TMEM163: variants seen among roughly 807,000 people sequenced by gnomAD.
The protein encoded by TMEM163 is transmembrane protein 163.
Under a neutral mutation model 29.3 loss-of-function variants are expected in TMEM163, and 17 were observed. That is an observed-to-expected ratio of 0.58 (90% CI 0.40 to 0.87). The LOEUF is 0.87. Ranked by LOEUF, TMEM163 falls within the 40% of genes least tolerant of loss-of-function variation. The pLI, the probability that TMEM163 is intolerant of heterozygous loss-of-function variation, is 0.00. For missense variants in TMEM163, 303 were observed against 381.5 expected (o/e 0.79, Z 1.71); for synonymous variants, 157 against 160.6 (o/e 0.98, Z 0.17).
chr2:134,690,219 C>T (rs1684433034), intron 2 of TMEM163, among the ~76,000 whole-genome samples: 1 of 151,932 alleles, frequency 6.6e-6, no homozygotes, highest in Non-Finnish European at 1.5e-5. Flanking sequence ...GGGTGAGCCA[C>T]CGTACCCGGC....
At chr2:134,501,049 CTAAT>C (rs1679685961) in intron 5 of TMEM163, among the ~76,000 whole-genome samples, 1 of 152,122 alleles carries the variant, frequency 6.6e-6, no homozygotes. Context: ...TGGTAATTCA[CTAAT>C]TACCCTAATC....
chr2:134,692,596 G>C (rs546023914), intron 2 of TMEM163, among the ~76,000 whole-genome samples: 1 of 152,170 alleles, frequency 6.6e-6, no homozygotes, highest in Non-Finnish European at 1.5e-5. Context: ...AGGGCTCCCC[G>C]TGGGTTCCAG....
chr2:134,521,362 G>A lies in TMEM163; in HGVS notation c.459-18365C>T, dbSNP rs1289621963. On this transcript the variant is annotated intron_variant, in intron 4 of 7. Transcript: ENST00000281924. ...GTGGCTCTCAACCAGGGTCAATTTT[G>A]CACCCTAGAGAACAAGGGGTCATTT... Among the ~76,000 whole-genome samples, 8 of 152,190 alleles carry A rather than the reference G, an allele frequency of 5.3e-5. 1 individual carries two copies. Among genetic ancestry groups the A allele is most frequent in the African/African-American group, 1.9e-4 (8 of 41,516 alleles).
chr2:134,659,138 T>A (rs1553490344), intron 2 of TMEM163, among the ~76,000 whole-genome samples: 1 of 152,204 alleles, frequency 6.6e-6, no homozygotes, highest in Non-Finnish European at 1.5e-5. Flanking sequence ...CTGAATACTA[T>A]AGGCAACTGT....
At chr2:134,553,509 A>G (rs1322259998) in intron 2 of TMEM163, among the ~76,000 whole-genome samples, 4 of 152,256 alleles carry the variant, frequency 2.6e-5, no homozygotes, top group African/African-American at 9.6e-5. Context: ...ACCGTTTGCC[A>G]TAAAGACTGA....
intron 2 of TMEM163, among the ~76,000 whole-genome samples, chr2:134,700,941 A>AATAAATACATAAATAC (rs1553495682): frequency 0.041 from 6,069 of 146,374 alleles, 211 homozygotes; most frequent in African/African-American, 0.089. Flanking sequence ...TAAATAAATA[A>AATAAATACATAAATAC]ATAAATAAAG....
intron 2 of TMEM163, among the ~76,000 whole-genome samples, chr2:134,610,662 G>T (rs1295106156): frequency 2.0e-5 from 3 of 152,184 alleles, no homozygotes; most frequent in Non-Finnish European, 4.4e-5. Context: ...CTGGTAGCAC[G>T]TTTGAGTCAC....
At chr2:134,628,781 T>C (rs994498758) in intron 2 of TMEM163, among the ~76,000 whole-genome samples, 9 of 152,254 alleles carry the variant, frequency 5.9e-5, no homozygotes, top group Non-Finnish European at 1.2e-4. Flanking sequence ...ATTTGTATTA[T>C]TTCATTGTAA....
chr2:134,620,517 A>G (rs1682707777), intron 2 of TMEM163, among the ~76,000 whole-genome samples: 1 of 152,156 alleles, frequency 6.6e-6, no homozygotes, highest in Non-Finnish European at 1.5e-5. Context: ...TTGGCCTCCC[A>G]AAGTGCTGGG....
intron 2 of TMEM163, among the ~76,000 whole-genome samples, chr2:134,654,663 CA>C (rs1424236094): frequency 2.5e-5 from 3 of 121,228 alleles, no homozygotes; most frequent in African/African-American, 3.9e-5. Context: ...TACATTTTTG[CA>C]TGATTTTGCA....
chr2:134,581,635 G>C (rs556677928), intron 2 of TMEM163, among the ~76,000 whole-genome samples: 1 of 73,198 alleles, frequency 1.4e-5, no homozygotes, highest in South Asian at 6.2e-4. Context: ...TTATGGGGGC[G>C]GGGGGGAGAT....
At position 134,571,662 on chromosome 2, in the gene TMEM163, G is replaced by A. The variant is rs556547883; in HGVS notation, c.323-19571C>T. Among the ~76,000 whole-genome samples the A allele has an allele frequency of 1.2e-4, 18 of 152,324 alleles. No homozygotes were observed. The South Asian group carries it at 3.5e-3, about 30-fold the overall frequency. On this transcript the variant is annotated intron_variant, in intron 2 of 7. Coordinates refer to ENST00000281924, the MANE Select transcript of TMEM163 (RefSeq NM_030923.5). The stretch of plus-strand genomic sequence containing the variant: ...GGATATAAAGCTAAATCGGCAGAAG[G>A]AAAAGGTGCATGGAACAAAGTCTGG...
intron 2 of TMEM163, among the ~76,000 whole-genome samples, chr2:134,648,280 A>T (rs1286007570): frequency 2.1e-5 from 2 of 95,296 alleles, no homozygotes; most frequent in African/African-American, 8.3e-5. Context: ...GTCCAACCAT[A>T]GTCTCTGGCA....
chr2:134,703,237 G>C (rs555961311), intron 2 of TMEM163, among the ~76,000 whole-genome samples: 24 of 152,254 alleles, frequency 1.6e-4, no homozygotes, highest in Admixed American at 1.2e-3. Flanking sequence ...GGAAGGAAGA[G>C]TCTGGGATGC....
At chr2:134,564,850 C>A (rs1235326931) in intron 2 of TMEM163, among the ~76,000 whole-genome samples, 2 of 152,176 alleles carry the variant, frequency 1.3e-5, no homozygotes, top group East Asian at 3.8e-4. Context: ...CAGTTTCAAA[C>A]GTTAGTAAGG....
chr2:134,465,189 T>TAAAA (rs1181405890), intron 6 of TMEM163, among the ~76,000 whole-genome samples: 11 of 117,698 alleles, frequency 9.3e-5, no homozygotes, highest in Admixed American at 3.5e-4. Context: ...TCCGCATCTT[T>TAAAA]AAAAAAAAAA....
chr2:134,695,048 C>G (rs1397569001), intron 2 of TMEM163, among the ~76,000 whole-genome samples: 1 of 152,070 alleles, frequency 6.6e-6, no homozygotes, highest in African/African-American at 2.4e-5. Flanking sequence ...AAAGCTAATA[C>G]TTTTAGAGAA....
chr2:134,534,773 A>ATAAAG (rs1680494768), intron 4 of TMEM163, among the ~76,000 whole-genome samples: 1 of 152,134 alleles, frequency 6.6e-6, no homozygotes. Flanking sequence ...ATAAAATAAA[A>ATAAAG]TAAAATAAAA....
chr2:134,551,622 A>C (rs672080), intron 3 of TMEM163, among the ~76,000 whole-genome samples: 3,639 of 152,270 alleles, frequency 0.024, 72 homozygotes, highest in Middle Eastern at 0.034. Flanking sequence ...AGCTTCCATC[A>C]GGAGGCCAGC....
Sources: allele counts gnomAD v4.1 joint callset (sites outside exome capture counted in the v4.1 genomes callset), GRCh38; gene constraint gnomAD v4.1.1; transcripts MANE v1.5; gene names NCBI Gene and HGNC (gene_info 2026-07-23, HGNC 2026-07-21).